CCDC73: variants seen among roughly 807,000 people sequenced by gnomAD.
CCDC73 encodes coiled-coil domain containing 73, also known as coiled-coil domain-containing protein 73.
A neutral mutation model predicts 116.5 loss-of-function variants in CCDC73; 95 were observed. The ratio of observed to expected loss-of-function variants is 0.82; its 90% CI spans 0.69 to 0.97. The LOEUF (loss-of-function observed/expected upper bound fraction) is 0.97. CCDC73 is among the 50% of genes least tolerant of loss of function. CCDC73 has a pLI of 0.00. For synonymous variants in CCDC73, 398 were observed against 401.3 expected (o/e 0.99, Z 0.10); for missense variants, 1,066 against 1,206.8 (o/e 0.88, Z 1.73).
intron 2 of CCDC73, among the ~76,000 whole-genome samples, chr11:32,727,665 TG>T (rs1416338996): frequency 1.3e-5 from 2 of 152,090 alleles, no homozygotes; most frequent in Non-Finnish European, 2.9e-5. Flanking sequence ...CTCTGCCTCC[TG>T]GGTTGAAGCA....
chr11:32,681,168 T>C (rs999238864), intron 7 of CCDC73: 3 of 152,004 alleles, frequency 2.0e-5, no homozygotes, highest in Non-Finnish European at 4.4e-5. Flanking sequence ...GAAAATGATA[T>C]ACAGAAGAGA....
At position 32,611,262 on chromosome 11, in the gene CCDC73, G is replaced by A. The variant is rs1333266765; in HGVS notation, c.2900C>T (p.Thr967Ile). 6.2e-7 allele frequency: 1 copy of A among 1,611,038 alleles called. No individual in the cohort carries two copies. The highest frequency in any genetic ancestry group is 2.2e-5 in the East Asian group (1 of 44,742). ...GTCAGCAACTCTGTTAATGCTGGTA[G>A]TATCTGATTGATAAAGAGGAAATGG... ...DDVGKDIGPD[T>I]TSINRVADTL... is the part of the protein sequence containing the mutation. Residue 967 changes from threonine to isoleucine, a missense_variant, in exon 17 of 18, where the codon ACT (threonine) becomes ATT (isoleucine). Transcript: ENST00000335185.
intron 14 of CCDC73, among the ~76,000 whole-genome samples, chr11:32,622,782 G>A (rs1235311770): frequency 1.3e-5 from 2 of 151,358 alleles, no homozygotes; most frequent in Non-Finnish European, 2.9e-5. Flanking sequence ...CAGTGCATAG[G>A]TGCTCAATTA....
chr11:32,761,460 A>G (rs1850391266), intron 1 of CCDC73, among the ~76,000 whole-genome samples: 1 of 152,150 alleles, frequency 6.6e-6, no homozygotes, highest in Non-Finnish European at 1.5e-5. Context: ...CCAAGAGTAA[A>G]ATTGTTGGGT....
At chr11:32,635,980 T>C in intron 13 of CCDC73, 150 bp from the exon 14 acceptor site, 1 of 510,934 alleles carries the variant, frequency 2.0e-6, no homozygotes, top group Non-Finnish European at 2.7e-6. Context: ...CTACCATTTA[T>C]TGAATTGGGC....
intron 1 of CCDC73, among the ~76,000 whole-genome samples, chr11:32,771,367 G>A (rs565812608): frequency 1.2e-4 from 18 of 152,248 alleles, no homozygotes; most frequent in Admixed American, 5.9e-4. Flanking sequence ...TGTACTAGGG[G>A]ACCACTCCCG....
the CCDC73 span, among the ~76,000 whole-genome samples, chr11:32,828,096 G>T: frequency 6.6e-6 from 1 of 152,136 alleles, no homozygotes; most frequent in Non-Finnish European, 1.5e-5. Context: ...GAAGGAATCA[G>T]TGAAAACAAA....
chr11:32,671,021 T>C (rs1856033248), intron 9 of CCDC73, among the ~76,000 whole-genome samples: 1 of 152,232 alleles, frequency 6.6e-6, no homozygotes. Context: ...TTTGATTTTA[T>C]AGACTTTATA....
rs1185666022 is a variant in CCDC73 at position 32,614,096 on chromosome 11, G to C, written c.2222C>G (p.Ser741Ter). Residue 741 changes from serine (S) to a stop codon, truncating the protein, a stop_gained, in exon 16 of 18, where the codon TCA becomes TGA. Transcript: ENST00000335185. LOFTEE classifies it high-confidence loss of function. ...HSMSMLVKPNSSPGGKTMCKN... is the reference protein window; with the variant it reads ...HSMSMLVKPN ...ACACATAGTTTTTCCCCCAGGGCTT[G>C]AGTTAGGTTTCACCAACATAGACAT... The C allele has an allele frequency of 1.2e-6, 2 of 1,613,488 alleles. No homozygotes were observed. Among genetic ancestry groups the C allele is most frequent in the Admixed American group, 1.7e-5 (1 of 60,014 alleles).
At chr11:32,642,653 T>G (rs973233926) in intron 12 of CCDC73, among the ~76,000 whole-genome samples, 1 of 151,910 alleles carries the variant, frequency 6.6e-6, no homozygotes, top group Non-Finnish European at 1.5e-5. Context: ...AATACTACCA[T>G]GTGTTTTCTA....
chr11:32,658,205 T>G (rs561110060), intron 9 of CCDC73, among the ~76,000 whole-genome samples: 2 of 152,300 alleles, frequency 1.3e-5, no homozygotes, highest in East Asian at 3.9e-4. Flanking sequence ...CATCCCTTGT[T>G]GTTTTCCCTT....
In CCDC73 at chr11:32,613,945, A is replaced by G. The variant is rs762738980; in HGVS notation, c.2373T>C (p.Asp791=). The G allele has an allele frequency of 1.9e-6, 3 of 1,611,642 alleles. No homozygotes were observed. In the South Asian group the frequency reaches 3.3e-5, roughly 18 times the overall value. The change falls in exon 16 of 18, where the codon GAT becomes GAC. Residue 791 remains aspartate (D), a synonymous_variant. Transcript: ENST00000335185. ...NENSHASQAK[D]VKTAVHMKTC... is the part of the protein sequence containing the mutation. The stretch of plus-strand genomic sequence containing the variant: ...TTTTCATGTGAACAGCAGTTTTCAC[A>G]TCTTTGGCTTGTGAAGCATGACTAT...
At chr11:32,744,245 C>T (rs1300749921) in intron 2 of CCDC73, among the ~76,000 whole-genome samples, 1 of 152,122 alleles carries the variant, frequency 6.6e-6, no homozygotes, top group African/African-American at 2.4e-5. Context: ...GCCTTGCATC[C>T]CAGGGATGAA....
intron 2 of CCDC73, among the ~76,000 whole-genome samples, chr11:32,749,814 T>C (rs1341571997): frequency 6.6e-6 from 1 of 152,000 alleles, no homozygotes; most frequent in Non-Finnish European, 1.5e-5. Flanking sequence ...TTGGATAAGA[T>C]CCAGAAGAAT....
upstream of CCDC73, among the ~76,000 whole-genome samples, chr11:32,798,918 G>T (rs566577687): frequency 1.3e-5 from 2 of 150,460 alleles, no homozygotes; most frequent in South Asian, 2.1e-4. Context: ...TTTGTTTTGG[G>T]GGGGGGCGTT....
At chr11:32,822,599 T>C in the CCDC73 span, among the ~76,000 whole-genome samples, 3 of 152,210 alleles carry the variant, frequency 2.0e-5, no homozygotes, top group Non-Finnish European at 2.9e-5. Flanking sequence ...TGTTGAACCA[T>C]ATGAAATTGC....
chr11:32,778,070 T>A (rs1850552506), intron 1 of CCDC73, among the ~76,000 whole-genome samples: 1 of 152,190 alleles, frequency 6.6e-6, no homozygotes, highest in South Asian at 2.1e-4. Flanking sequence ...ATATTACGTA[T>A]CTGCTTAATA....
chr11:32,697,796 T>A (rs80083814), intron 6 of CCDC73, among the ~76,000 whole-genome samples: 15,410 of 151,988 alleles, frequency 0.1, 1,052 homozygotes, highest in Non-Finnish European at 0.15. Context: ...ACACTGAAGT[T>A]TTTTTTGTTT....
At chr11:32,719,027 A>C (rs1372612940) in intron 2 of CCDC73, among the ~76,000 whole-genome samples, 1 of 152,204 alleles carries the variant, frequency 6.6e-6, no homozygotes, top group African/African-American at 2.4e-5. Context: ...ATAAGCATCA[A>C]GTAAAAAGAA....
Sources: allele counts gnomAD v4.1 joint callset (sites outside exome capture counted in the v4.1 genomes callset), GRCh38; gene constraint gnomAD v4.1.1; transcripts MANE v1.5; gene names NCBI Gene and HGNC (gene_info 2026-07-23, HGNC 2026-07-21).